The following WDFY1 variants were observed in gnomAD, a reference collection of about 807,000 sequenced individuals.
WDFY1 encodes WD repeat and FYVE domain-containing protein 1.
Under a neutral mutation model 56.4 loss-of-function variants are expected in WDFY1, and 32 were observed. The observed-to-expected ratio is 0.57, with a 90% confidence interval of 0.43 to 0.76. The LOEUF (loss-of-function observed/expected upper bound fraction) is 0.76. Among genes scored for constraint, WDFY1 ranks in the 30% least tolerant of loss-of-function variants. The probability of loss-of-function intolerance (pLI) is 0.00; values close to 1 mark genes in which losing one functional copy is unlikely to be tolerated. For synonymous variants in WDFY1, 192 were observed against 197.3 expected, an observed-to-expected ratio of 0.97 and a Z score of 0.23; for missense variants, 480 against 545.7, an observed-to-expected ratio of 0.88 and a Z score of 1.20.
intron 4 of WDFY1, among the ~76,000 whole-genome samples, chr2:223,902,619 T>C (rs995204261): frequency 6.6e-6 from 1 of 152,142 alleles, no homozygotes; most frequent in Non-Finnish European, 1.5e-5. Context: ...GAGTAGGCCA[T>C]ATCTCATAAG....
At chr2:223,908,504 G>A (rs1693639309) in intron 3 of WDFY1, among the ~76,000 whole-genome samples, 1 of 152,168 alleles carries the variant, frequency 6.6e-6, no homozygotes, top group African/African-American at 2.4e-5. Context: ...TTCCGTGGCT[G>A]CACTGTCCTG....
intron 9 of WDFY1, among the ~76,000 whole-genome samples, chr2:223,883,677 G>T (rs9798160): frequency 6.6e-6 from 1 of 151,944 alleles, no homozygotes; most frequent in Admixed American, 6.6e-5. Flanking sequence ...ATGGAGTCTC[G>T]CTCTGTCACT....
At chr2:223,942,179 G>A (rs567871665) in intron 1 of WDFY1, among the ~76,000 whole-genome samples, 3 of 151,666 alleles carry the variant, frequency 2.0e-5, no homozygotes, top group East Asian at 1.9e-4. Flanking sequence ...TACCCAAAAC[G>A]CATGATTCAT....
chr2:223,884,226 T>C (rs1242569537), intron 9 of WDFY1, among the ~76,000 whole-genome samples: 2 of 152,154 alleles, frequency 1.3e-5, no homozygotes, highest in Non-Finnish European at 2.9e-5. Context: ...AATCTAAAAC[T>C]CATAGGGTCA....
At chr2:223,940,077 T>C (rs1178621342) in intron 1 of WDFY1, among the ~76,000 whole-genome samples, 1 of 152,194 alleles carries the variant, frequency 6.6e-6, no homozygotes, top group African/African-American at 2.4e-5. Context: ...TCCCAGTACT[T>C]TGGGAGGCCG....
At chr2:223,911,338 A>G (rs572754) in intron 3 of WDFY1, among the ~76,000 whole-genome samples, 131,278 of 151,882 alleles carry the variant, frequency 0.86, 57,214 homozygotes, top group Non-Finnish European at 0.93. Flanking sequence ...ATGGTTGCAC[A>G]ATCTTATGAA....
chr2:223,912,598 C>T (rs1693723491), intron 2 of WDFY1, among the ~76,000 whole-genome samples: 1 of 152,086 alleles, frequency 6.6e-6, no homozygotes, highest in African/African-American at 2.4e-5. Context: ...GAAAGTACTA[C>T]CTGTAGTCTG....
At chr2:223,903,043 GTGAGATACAGTCATGCTTATTT>G (rs1228793947) in intron 4 of WDFY1, among the ~76,000 whole-genome samples, 7 of 152,072 alleles carry the variant, frequency 4.6e-5, no homozygotes, top group African/African-American at 1.7e-4. Context: ...TGAAAGTATG[GTGAGATACAGTCATGCTTATTT>G]TGCTTCATTT....
intron 8 of WDFY1, among the ~76,000 whole-genome samples, chr2:223,893,506 G>C (rs746509033): frequency 6.6e-6 from 1 of 151,810 alleles, no homozygotes. Context: ...CTCCAGCCTG[G>C]GTGACAAAGC....
intron 3 of WDFY1, among the ~76,000 whole-genome samples, chr2:223,911,175 T>G (rs1428489904): frequency 3.3e-5 from 5 of 152,164 alleles, no homozygotes; most frequent in Admixed American, 2.6e-4. Context: ...TCTATTTATA[T>G]AAAGTGTCTA....
intron 1 of WDFY1, among the ~76,000 whole-genome samples, chr2:223,933,822 G>A (rs1694121785): frequency 6.6e-6 from 1 of 151,328 alleles, no homozygotes; most frequent in South Asian, 2.1e-4. Flanking sequence ...AAATTAGCAA[G>A]GAGTGGTGGT....
At chr2:223,900,278 T>C (rs1452391943) in intron 5 of WDFY1, among the ~76,000 whole-genome samples, 1 of 152,226 alleles carries the variant, frequency 6.6e-6, no homozygotes, top group Admixed American at 6.5e-5. Context: ...GCACATACTA[T>C]ATCAGAGTAT....
chr2:223,882,901 G>T lies in WDFY1; in HGVS notation c.934-829C>A, dbSNP rs1233604307. On this transcript the variant is annotated intron_variant, in intron 9 of 11. Coordinates refer to ENST00000233055, the MANE Select transcript of WDFY1 (RefSeq NM_020830.5). ...TGCCACCATGTCTGGCTAATTTTTT[G>T]ATTTTTTTGCAGAGACAGGGTCTTG... Among the ~76,000 whole-genome samples the T allele has an allele frequency of 4.6e-5, 7 of 151,934 alleles. No individual in the cohort carries two copies. The East Asian group carries it at 7.8e-4, about 17-fold the overall frequency.
intron 1 of WDFY1, among the ~76,000 whole-genome samples, chr2:223,918,370 T>C (rs1346473043): frequency 1.3e-5 from 2 of 152,142 alleles, no homozygotes; most frequent in Non-Finnish European, 2.9e-5. Context: ...GGCTCACGCC[T>C]ATAATCCCAG....
Position 223,927,126 on chromosome 2 carries a change from T to C in WDFY1, c.138-9116A>G, listed in dbSNP as rs568822699. On this transcript the variant is annotated intron_variant, in intron 1 of 11. Transcript: ENST00000233055. ...ACATGGCAAAGTAGACTTAACATAA[T>C]TCTTAATGGTCTTAGGATTTTTGGA... Among the ~76,000 whole-genome samples, 13 of 152,338 alleles carry C rather than the reference T, an allele frequency of 8.5e-5. No homozygotes were observed. In the East Asian group the frequency reaches 2.3e-3, roughly 27 times the overall value.
chr2:223,883,565 A>ATAAT (rs545709903), intron 9 of WDFY1, among the ~76,000 whole-genome samples: 306 of 152,360 alleles, frequency 2.0e-3, no homozygotes, highest in Middle Eastern at 0.01. Flanking sequence ...CTGAGCACTA[A>ATAAT]TAATTCCCTT....
intron 1 of WDFY1, among the ~76,000 whole-genome samples, chr2:223,939,143 A>T (rs896008937): frequency 6.6e-6 from 1 of 152,080 alleles, no homozygotes; most frequent in Non-Finnish European, 1.5e-5. Context: ...ATCAGCATCA[A>T]CGTCACCTGG....
chr2:223,897,396 T>TA, intron 6 of WDFY1, among the ~76,000 whole-genome samples: 1 of 90,678 alleles, frequency 1.1e-5, no homozygotes, highest in Non-Finnish European at 2.2e-5. Context: ...ATATATTTTT[T>TA]AAGACGGAGT....
At chr2:223,897,184 A>C (rs191020763) in intron 6 of WDFY1, among the ~76,000 whole-genome samples, 1 of 151,814 alleles carries the variant, frequency 6.6e-6, no homozygotes, top group Non-Finnish European at 1.5e-5. Flanking sequence ...AAATAAGTCC[A>C]TCATTGATTC....
Sources: gnomAD v4.1 joint callset for allele counts (sites outside exome capture counted in the v4.1 genomes callset) on GRCh38, gnomAD v4.1.1 for gene constraint, MANE v1.5 for transcripts, NCBI Gene and HGNC (gene_info 2026-07-23, HGNC 2026-07-21) for gene names.